The following OTOG variants were observed in gnomAD, a reference collection of about 807,000 sequenced individuals.
OTOG encodes otogelin.
Under a neutral mutation model 313.8 loss-of-function variants are expected in OTOG, and 296 were observed. That is an observed-to-expected ratio of 0.94 (90% CI 0.86 to 1.04). The LOEUF (loss-of-function observed/expected upper bound fraction) is 1.04, where lower values mean the gene tolerates loss of function less well. Ranked by LOEUF, OTOG falls within the 50% of genes least tolerant of loss-of-function variation. The pLI is 0.00. For missense variants in OTOG, 3,948 were observed against 3,840.1 expected, an observed-to-expected ratio of 1.03 and a Z score of -0.74; for synonymous variants, 1,533 against 1,554.9, an observed-to-expected ratio of 0.99 and a Z score of 0.33.
In OTOG at chr11:17,553,116, C is replaced by A. The variant is rs1435483987; in HGVS notation, c.293-3C>A. ...GGGCAATGACTCTGTGTCTCCCATG[C>A]AGACTTGTTCTCCTGCTTCAATGGA... On this transcript the variant is annotated splice_polypyrimidine_tract_variant and splice_region_variant and intron_variant, in intron 4 of 55. Transcript: ENST00000399397. The A allele has an allele frequency of 7.1e-6, 11 of 1,550,298 alleles. No homozygotes were observed. The highest frequency in any genetic ancestry group is 8.7e-6 in the Non-Finnish European group (10 of 1,146,940).
rs952407320 is a variant in OTOG, at chr11:17,642,199, C to T, written c.8368C>T (p.Arg2790Cys). ...CACGCCCCTGGGTGCCGTGCTGGTC[C>T]GCTCTCCCATAAGCTGCCCACCGCT... is the stretch of plus-strand genomic sequence containing the variant. The part of the protein sequence containing the change: ...SSTPLGAVLV[R>C]SPISCPPLNE... Residue 2790 changes from arginine (R) to cysteine (C), a missense_variant, in exon 53 of 56, where the codon CGC becomes TGC. Coordinates refer to ENST00000399397, the MANE Select transcript of OTOG (RefSeq NM_001292063.2). 3.5e-5 allele frequency: 54 copies of T among 1,550,180 alleles called. No homozygotes were observed. Among genetic ancestry groups the T allele is most frequent in the Middle Eastern group, 1.7e-4 (1 of 6,010 alleles).
chr11:17,609,058 C>A, intron 34 of OTOG, 72 bp from the exon 35 acceptor site: 1 of 1,235,952 alleles, frequency 8.1e-7, no homozygotes, highest in Middle Eastern at 1.9e-4. Context: ...AAGGCCTGTG[C>A]TCAATCGAGA....
At chr11:17,638,837 C>G in intron 48 of OTOG, 2 of 1,365,850 alleles carry the variant, frequency 1.5e-6, no homozygotes, top group Admixed American at 2.2e-5. Context: ...GTGGCTCACA[C>G]CTGTAATCCC....
rs965041730 is a variant in OTOG at position 17,640,742 on chromosome 11, C to A, written c.7936-3C>A. ...GGGTGCTGACTGCCTCTGCCCCACC[C>A]AGTGGGAGAAATCCCAGCTGGATGA... is the stretch of plus-strand genomic sequence containing the variant. On this transcript the variant is annotated splice_polypyrimidine_tract_variant and splice_region_variant and intron_variant, in intron 49 of 55. Transcript: ENST00000399397. 6.5e-7 allele frequency: 1 copy of A among 1,549,578 alleles called. No individual in the cohort carries two copies. Among genetic ancestry groups the A allele is most frequent in the African/African-American group, 1.4e-5 (1 of 73,064 alleles).
chr11:17,632,309 A>G (rs901128190), intron 42 of OTOG, 83 bp downstream of exon 42: 2 of 1,409,508 alleles, frequency 1.4e-6, no homozygotes, highest in African/African-American at 2.8e-5. Flanking sequence ...CCCGGCCCCA[A>G]GTTCATGTAT....
At chr11:17,587,064 G>T (rs1258848441) in intron 24 of OTOG, among the ~76,000 whole-genome samples, 3 of 152,224 alleles carry the variant, frequency 2.0e-5, no homozygotes, top group Non-Finnish European at 4.4e-5. Flanking sequence ...ACATGTATGT[G>T]CAAAGTGTGT....
chr11:17,637,618 G>A (rs10832822), intron 47 of OTOG, among the ~76,000 whole-genome samples: 17,253 of 152,134 alleles, frequency 0.11, 1,308 homozygotes, highest in Non-Finnish European at 0.17. Context: ...ACATCACTTC[G>A]GGTGCCACAC....
intron 38 of OTOG, among the ~76,000 whole-genome samples, chr11:17,613,191 TTTCTTTTCTTTC>T (rs1443611214): frequency 6.6e-4 from 65 of 98,486 alleles, no homozygotes; most frequent in Middle Eastern, 4.5e-3. Flanking sequence ...TCTTTCTTTC[TTTCTTTTCTTTC>T]TTTCTTTCTT....
intron 23 of OTOG, among the ~76,000 whole-genome samples, chr11:17,585,644 C>T (rs1032979402): frequency 2.0e-5 from 3 of 152,150 alleles, no homozygotes; most frequent in Non-Finnish European, 4.4e-5. Context: ...TTCAGAAGCC[C>T]TCAACCCCAT....
chr11:17,609,728 C>G lies in OTOG; in HGVS notation c.4428C>G (p.Pro1476=). 1 of 1,544,748 alleles carries G rather than the reference C, an allele frequency of 6.5e-7. No individual in the cohort carries two copies. The highest frequency in any genetic ancestry group is 8.7e-7 in the Non-Finnish European group (1 of 1,143,906). The change falls in exon 36 of 56, where the codon CCC becomes CCG. Residue 1476 remains proline (P), a synonymous_variant. Coordinates refer to ENST00000399397, the MANE Select transcript of OTOG (RefSeq NM_001292063.2). ...CCCTCCCTCCCAGTCAAGGGTTGCC[C>G]ACTCCCAGTGATGAGGAGCCACAGC... ...NETLPPSQGL[P]TPSDEEPQLS...
chr11:17,602,706 TC>T (rs1195145418), intron 32 of OTOG, among the ~76,000 whole-genome samples: 2 of 151,870 alleles, frequency 1.3e-5, no homozygotes, highest in African/African-American at 2.4e-5. Flanking sequence ...TATCTCACCC[TC>T]CCTCCCTCTC....
At position 17,634,393 on chromosome 11, in the gene OTOG, T is replaced by C. The variant is rs1035739079; in HGVS notation, c.7480+112T>C. ...CAAGGCCTAGGAAAAGCAAAGTGTCTTGTAGGGGGTGAGCTTGGAGGAGGG... is the reference window on the plus strand; with the variant it reads ...CAAGGCCTAGGAAAAGCAAAGTGTCCTGTAGGGGGTGAGCTTGGAGGAGGG... On this transcript the variant is annotated intron_variant, in intron 44 of 55. Coordinates refer to ENST00000399397, the MANE Select transcript of OTOG (RefSeq NM_001292063.2). 8.5e-6 allele frequency: 10 copies of C among 1,178,554 alleles called. No individual in the cohort carries two copies. The Admixed American group carries it at 1.6e-4, about 18-fold the overall frequency. 73.0% of individuals were successfully genotyped at this position (1,178,554 alleles called of 1,614,324 possible). A position where few individuals can be genotyped will look rare whatever the true frequency, so the allele number is the denominator to read the frequency against.
chr11:17,553,634 G>A (rs149111688), intron 6 of OTOG, 115 bp downstream of exon 6: 609 of 1,019,684 alleles, frequency 6.0e-4, no homozygotes, highest in African/African-American at 3.0e-3. Flanking sequence ...TCCTTGCATC[G>A]CCCCCCAGCT....
At position 17,635,267 on chromosome 11, in the gene OTOG, G is replaced by A. The variant is rs932115645; in HGVS notation, c.7693+80G>A. On this transcript the variant is annotated intron_variant, in intron 46 of 55. Transcript: ENST00000399397. ...CTCACCCCTGTGTCCTTGGGCAGCT[G>A]GGAGGAAAGGCTGGGGGTCTTCAGA... 11 of 1,179,526 alleles carry A rather than the reference G, an allele frequency of 9.3e-6. No individual in the cohort carries two copies. In the African/African-American group the frequency reaches 1.4e-4, roughly 15 times the overall value. 73.1% of individuals were successfully genotyped at this position (1,179,526 alleles called of 1,614,324 possible).
chr11:17,578,606 A>T (rs1424426269), intron 23 of OTOG, 80 bp downstream of exon 23: 3 of 1,437,266 alleles, frequency 2.1e-6, no homozygotes, highest in Non-Finnish European at 2.7e-6. Context: ...GGGGGCAGGG[A>T]AAACATCACA....
intron 26 of OTOG, 35 bp downstream of exon 26, chr11:17,593,362 A>G (rs1852998165): frequency 6.5e-7 from 1 of 1,548,324 alleles, no homozygotes. Flanking sequence ...TGTGTAGACA[A>G]TTTACAGGTT....
chr11:17,645,688 G>A (rs1161852168), intron 55 of OTOG, 45 bp downstream of exon 55: 2 of 1,550,692 alleles, frequency 1.3e-6, no homozygotes, highest in East Asian at 4.9e-5. Flanking sequence ...AAATGGGATG[G>A]AGGGGGTTTG....
At position 17,566,589 on chromosome 11, in the gene OTOG, T is replaced by C. The variant is rs554507726; in HGVS notation, c.1645-2567T>C. Among the ~76,000 whole-genome samples, 5 of 152,354 alleles carry C rather than the reference T, an allele frequency of 3.3e-5. No individual in the cohort carries two copies. The South Asian group carries it at 1.0e-3, about 32-fold the overall frequency. The stretch of plus-strand genomic sequence containing the variant: ...TTCCACATGGATCATTCTAGCTTCC[T>C]CCTCTTGCTTATCTGTAAACACTCA... On this transcript the variant is annotated intron_variant, in intron 15 of 55. Coordinates refer to ENST00000399397, the MANE Select transcript of OTOG (RefSeq NM_001292063.2).
At chr11:17,567,984 T>C (rs1330249977) in intron 15 of OTOG, among the ~76,000 whole-genome samples, 1 of 152,078 alleles carries the variant, frequency 6.6e-6, no homozygotes, top group Non-Finnish European at 1.5e-5. Context: ...CTCGGCTCAC[T>C]GCAAGCTCCG....
Sources: allele counts gnomAD v4.1 joint callset (sites outside exome capture counted in the v4.1 genomes callset), GRCh38; gene constraint gnomAD v4.1.1; transcripts MANE v1.5; gene names NCBI Gene and HGNC (gene_info 2026-07-23, HGNC 2026-07-21).